The following DCC variants were observed in gnomAD, a reference collection of about 807,000 sequenced individuals.
The protein encoded by DCC is DCC netrin 1 receptor.
A neutral mutation model predicts 172.5 loss-of-function variants in DCC; 58 were observed. That is an observed-to-expected ratio of 0.34 (90% CI 0.27 to 0.42). The LOEUF (loss-of-function observed/expected upper bound fraction) is 0.42, where lower values mean the gene tolerates loss of function less well. Ranked by LOEUF, DCC falls within the 10% of genes least tolerant of loss-of-function variation. DCC has a pLI of 1.00. For synonymous variants in DCC, 709 were observed against 644.5 expected (o/e 1.10, Z -1.52); for missense variants, 1,740 against 1,791.0 (o/e 0.97, Z 0.51).
intron 15 of DCC, among the ~76,000 whole-genome samples, chr18:53,380,313 C>A (rs897786230): frequency 2.0e-4 from 31 of 152,142 alleles, no homozygotes; most frequent in Non-Finnish European, 3.8e-4. Flanking sequence ...TGGTAGAAAA[C>A]CCTCATTCTC....
rs961097008 is a variant in DCC at position 53,318,080 on chromosome 18, C to T, written c.2054-3967C>T. 3.3e-5 allele frequency among the ~76,000 whole-genome samples: 5 copies of T among 151,982 alleles called. No homozygotes were observed. The South Asian group carries it at 6.2e-4, about 19-fold the overall frequency. On this transcript the variant is annotated intron_variant, in intron 13 of 28. Transcript: ENST00000442544. Reference sequence around the variant, plus strand: ...TCTTTTCATTGTGATATTAGGGTGTCGATTTGAGATCTTTCCTGCTTTCTC... The same window carrying T: ...TCTTTTCATTGTGATATTAGGGTGTTGATTTGAGATCTTTCCTGCTTTCTC...
chr18:52,898,979 C>T (rs2039772305), intron 2 of DCC, among the ~76,000 whole-genome samples: 1 of 152,124 alleles, frequency 6.6e-6, no homozygotes, highest in African/African-American at 2.4e-5. Flanking sequence ...TACTGATTTA[C>T]AATTGAACTG....
intron 12 of DCC, among the ~76,000 whole-genome samples, chr18:53,234,456 T>A (rs566782897): frequency 2.9e-4 from 43 of 148,196 alleles, no homozygotes; most frequent in Non-Finnish European, 5.9e-4. Flanking sequence ...AATAAATAAA[T>A]AAAATATTGG....
At chr18:53,368,239 T>C (rs2058025910) in intron 15 of DCC, among the ~76,000 whole-genome samples, 1 of 152,188 alleles carries the variant, frequency 6.6e-6, no homozygotes. Flanking sequence ...ATATCCTCTT[T>C]GGAGAAGTGT....
chr18:52,761,881 C>T (rs1388014625), intron 2 of DCC, among the ~76,000 whole-genome samples: 2 of 139,910 alleles, frequency 1.4e-5, no homozygotes, highest in Non-Finnish European at 1.5e-5. Context: ...TGCAGTCTGG[C>T]CTGGGTGAAA....
intron 21 of DCC, among the ~76,000 whole-genome samples, chr18:53,426,825 T>C (rs963562342): frequency 6.6e-6 from 1 of 152,118 alleles, no homozygotes; most frequent in African/African-American, 2.4e-5. Flanking sequence ...GAGACATAAA[T>C]GATGAAATAC....
intron 7 of DCC, among the ~76,000 whole-genome samples, chr18:53,119,499 T>C (rs767012898): frequency 1.3e-5 from 2 of 151,830 alleles, no homozygotes; most frequent in African/African-American, 2.4e-5. Context: ...AGGGCCACTC[T>C]TGTAGAAATT....
Position 52,807,346 on chromosome 18 carries a change from A to G in DCC, c.412+54972A>G, listed in dbSNP as rs556783643. On this transcript the variant is annotated intron_variant, in intron 2 of 28. Transcript: ENST00000442544. The stretch of plus-strand genomic sequence containing the variant: ...GTAGCTAGATTGCTGATGACTAAGT[A>G]TAAAATACAACCATTTCCCAGACAT... 1.1e-4 allele frequency among the ~76,000 whole-genome samples: 16 copies of G among 152,362 alleles called. No homozygotes were observed. In the South Asian group the frequency reaches 3.3e-3, roughly 32 times the overall value.
At chr18:52,870,330 C>T (rs2039299533) in intron 2 of DCC, among the ~76,000 whole-genome samples, 1 of 152,124 alleles carries the variant, frequency 6.6e-6, no homozygotes. Flanking sequence ...CCATCAGTGC[C>T]ATTTCTGCTC....
intron 14 of DCC, 68 bp downstream of exon 14, chr18:53,322,225 T>C (rs2057419936): frequency 1.1e-6 from 1 of 901,462 alleles, no homozygotes; most frequent in African/African-American, 1.6e-5. Context: ...AAAGGTCTCT[T>C]AAAAAAGGAA....
intron 9 of DCC, among the ~76,000 whole-genome samples, chr18:53,197,384 C>A (rs188719718): frequency 1.3e-5 from 2 of 148,582 alleles, no homozygotes; most frequent in East Asian, 4.0e-4. Flanking sequence ...AATGACAACA[C>A]GTGACAGTTT....
intron 7 of DCC, among the ~76,000 whole-genome samples, chr18:53,138,685 A>G (rs1314455879): frequency 6.6e-6 from 1 of 152,218 alleles, no homozygotes; most frequent in East Asian, 1.9e-4. Flanking sequence ...TGTAGACTGA[A>G]GAGAATTTAC....
chr18:52,418,390 T>G (rs1987120898), intron 1 of DCC, among the ~76,000 whole-genome samples: 1 of 152,082 alleles, frequency 6.6e-6, no homozygotes, highest in Non-Finnish European at 1.5e-5. Context: ...GTAGAGATCA[T>G]TATACTAGTG....
intron 7 of DCC, among the ~76,000 whole-genome samples, chr18:53,142,929 G>A (rs1387162601): frequency 2.0e-5 from 3 of 151,934 alleles, no homozygotes; most frequent in Non-Finnish European, 4.4e-5. Flanking sequence ...CTGTCTTGAA[G>A]AGGATTGGTC....
At chr18:53,071,824 T>C (rs1286129256) in intron 7 of DCC, among the ~76,000 whole-genome samples, 1 of 152,054 alleles carries the variant, frequency 6.6e-6, no homozygotes, top group African/African-American at 2.4e-5. Flanking sequence ...TAGCAAAAAA[T>C]GGGTTAAGAA....
chr18:53,445,540 A>G (rs1299634139), intron 22 of DCC, among the ~76,000 whole-genome samples: 2 of 152,194 alleles, frequency 1.3e-5, no homozygotes, highest in African/African-American at 2.4e-5. Context: ...CTTTCTTTTC[A>G]ATGATAATTA....
chr18:52,918,231 G>A (rs1360691815), intron 3 of DCC, among the ~76,000 whole-genome samples: 1 of 152,044 alleles, frequency 6.6e-6, no homozygotes, highest in South Asian at 2.1e-4. Flanking sequence ...TTAATTTACT[G>A]GAAAAGTCTT....
chr18:52,340,782 T>A lies in DCC; in HGVS notation c.-6T>A. The A allele has an allele frequency of 2.5e-6, 4 of 1,613,292 alleles. No homozygotes were observed. The highest frequency in any genetic ancestry group is 3.4e-6 in the Non-Finnish European group (4 of 1,179,294). On this transcript the variant is annotated 5_prime_UTR_variant, in exon 1 of 29. Coordinates refer to ENST00000442544, the MANE Select transcript of DCC (RefSeq NM_005215.4). ...GACCCCTGGCCCCGAAGGTGTTGGC[T>A]GAAATATGGAGAATAGTCTTAGATG...
chr18:52,834,229 T>C (rs566391951), intron 2 of DCC, among the ~76,000 whole-genome samples: 1 of 152,304 alleles, frequency 6.6e-6, no homozygotes, highest in Admixed American at 6.5e-5. Flanking sequence ...CTCCAGCTCT[T>C]TTTAGGAAGT....
Sources: gnomAD v4.1 joint callset for allele counts (sites outside exome capture counted in the v4.1 genomes callset) on GRCh38, gnomAD v4.1.1 for gene constraint, MANE v1.5 for transcripts, NCBI Gene and HGNC (gene_info 2026-07-23, HGNC 2026-07-21) for gene names.